The following SLC35D4 variants were observed in gnomAD, a reference collection of about 807,000 sequenced individuals.
SLC35D4 encodes UDP-N-acetylglucosamine transporter SLC35D4.
At chr18:23,248,053 A>T in the SLC35D4 span, among the ~76,000 whole-genome samples, 1 of 152,216 alleles carries the variant, frequency 6.6e-6, no homozygotes, top group Non-Finnish European at 1.5e-5. Context: ...TGTAAAAAAG[A>T]CAGAGCCTCT....
At chr18:23,392,853 T>C in the SLC35D4 span, among the ~76,000 whole-genome samples, 1 of 152,176 alleles carries the variant, frequency 6.6e-6, no homozygotes, top group African/African-American at 2.4e-5. Flanking sequence ...TAAGAACACA[T>C]TATCACCCCC....
the SLC35D4 span, among the ~76,000 whole-genome samples, chr18:23,390,568 C>T: frequency 6.6e-6 from 1 of 152,198 alleles, no homozygotes; most frequent in Admixed American, 6.5e-5. Context: ...TGGTAACTCT[C>T]ACTCAGAAAT....
the SLC35D4 span, among the ~76,000 whole-genome samples, chr18:23,247,493 G>A: frequency 6.6e-6 from 1 of 152,204 alleles, no homozygotes; most frequent in Non-Finnish European, 1.5e-5. Context: ...GGGTTGCCTG[G>A]TCCGCTGTGG....
the SLC35D4 span, among the ~76,000 whole-genome samples, chr18:23,361,687 G>T: frequency 6.6e-6 from 1 of 152,174 alleles, no homozygotes; most frequent in Non-Finnish European, 1.5e-5. Context: ...GCCCACTGCA[G>T]ACCCATCCCC....
At chr18:23,360,695 A>G in the SLC35D4 span, among the ~76,000 whole-genome samples, 1 of 152,230 alleles carries the variant, frequency 6.6e-6, no homozygotes, top group African/African-American at 2.4e-5. Flanking sequence ...GCAGGTGTGT[A>G]GATTTGCCAA....
chr18:23,312,855 C>T, the SLC35D4 span, among the ~76,000 whole-genome samples: 1 of 152,058 alleles, frequency 6.6e-6, no homozygotes, highest in Non-Finnish European at 1.5e-5. Flanking sequence ...CAACCGGGCG[C>T]GGTGGCTCAT....
At chr18:23,284,342 C>G in the SLC35D4 span, among the ~76,000 whole-genome samples, 1 of 152,180 alleles carries the variant, frequency 6.6e-6, no homozygotes, top group East Asian at 1.9e-4. Context: ...GAGGCTTCAT[C>G]TACATAACAA....
At chr18:23,403,562 G>C in the SLC35D4 span, among the ~76,000 whole-genome samples, 1 of 152,226 alleles carries the variant, frequency 6.6e-6, no homozygotes, top group Non-Finnish European at 1.5e-5. Context: ...AATAAACCCA[G>C]GGTAGGGAGC....
At chr18:23,353,075 C>CTGTGTGTGTGTGTGTGTGTG in the SLC35D4 span, among the ~76,000 whole-genome samples, 2 of 65,000 alleles carry the variant, frequency 3.1e-5, no homozygotes, top group African/African-American at 5.7e-5. Context: ...GTGAGACAGA[C>CTGTGTGTGTGTGTGTGTGTG]AGTGTGTGTG....
At chr18:23,304,817 T>A in the SLC35D4 span, among the ~76,000 whole-genome samples, 1 of 152,018 alleles carries the variant, frequency 6.6e-6, no homozygotes, top group Non-Finnish European at 1.5e-5. Flanking sequence ...TCCTCTTCCA[T>A]CCCCCAACTC....
the SLC35D4 span, among the ~76,000 whole-genome samples, chr18:23,344,384 G>A: frequency 1.3e-5 from 2 of 152,164 alleles, no homozygotes; most frequent in Non-Finnish European, 2.9e-5. Context: ...TAATGGGATT[G>A]CTGGTTTGAA....
chr18:23,436,576 T>G, the SLC35D4 span, among the ~76,000 whole-genome samples: 2 of 151,980 alleles, frequency 1.3e-5, no homozygotes, highest in Non-Finnish European at 2.9e-5. Context: ...GCGGATCACC[T>G]GAGGTCAGGA....
At chr18:23,306,313 A>T in the SLC35D4 span, among the ~76,000 whole-genome samples, 2 of 148,362 alleles carry the variant, frequency 1.3e-5, no homozygotes, top group African/African-American at 4.9e-5. Flanking sequence ...TCTTCTTCTT[A>T]TTTTTTTTTT....
chr18:23,243,449 T>C, the SLC35D4 span, among the ~76,000 whole-genome samples: 1 of 151,216 alleles, frequency 6.6e-6, no homozygotes, highest in Non-Finnish European at 1.5e-5. Context: ...GGGAGGGTTG[T>C]TTTGGGTGTG....
chr18:23,370,412 G>A, the SLC35D4 span: 1 of 667,414 alleles, frequency 1.5e-6, no homozygotes, highest in Non-Finnish European at 2.6e-6. Context: ...CCAGCTGACA[G>A]GAGAAGACCA....
At chr18:23,249,573 T>C in the SLC35D4 span, among the ~76,000 whole-genome samples, 1 of 152,246 alleles carries the variant, frequency 6.6e-6, no homozygotes, top group Non-Finnish European at 1.5e-5. Flanking sequence ...TTTGTGCTCC[T>C]GATGAAATTT....
the SLC35D4 span, among the ~76,000 whole-genome samples, chr18:23,254,691 G>A: frequency 6.6e-6 from 1 of 152,148 alleles, no homozygotes; most frequent in Non-Finnish European, 1.5e-5. Context: ...CCTTGCTCAT[G>A]GGCATCTTCT....
the SLC35D4 span, chr18:23,253,715 C>T: frequency 1.2e-6 from 2 of 1,611,774 alleles, no homozygotes; most frequent in Middle Eastern, 1.7e-4. Flanking sequence ...TCCCTCTTGC[C>T]TGTCTTTCTC....
chr18:23,390,099 T>C, the SLC35D4 span, among the ~76,000 whole-genome samples: 2 of 152,240 alleles, frequency 1.3e-5, no homozygotes, highest in African/African-American at 4.8e-5. Context: ...ACCACTTTTA[T>C]ATATTTAAAC....
Sources: allele counts gnomAD v4.1 joint callset (sites outside exome capture counted in the v4.1 genomes callset), GRCh38; gene constraint gnomAD v4.1.1; transcripts MANE v1.5; gene names NCBI Gene and HGNC (gene_info 2026-07-23, HGNC 2026-07-21).